Variants in URM1 observed in about 807,000 individuals in gnomAD.
The protein encoded by URM1 is ubiquitin related modifier 1.
A neutral mutation model predicts 17.7 loss-of-function variants in URM1; 11 were observed. The observed-to-expected ratio is 0.62, with a 90% CI of 0.39 to 1.03. The LOEUF (loss-of-function observed/expected upper bound fraction) is 1.03, where lower values mean the gene tolerates loss of function less well. Among genes scored for constraint, URM1 ranks in the 50% least tolerant of loss-of-function variants. The probability of loss-of-function intolerance (pLI) is 0.00; values close to 1 mark genes in which losing one functional copy is unlikely to be tolerated. For missense variants in URM1, 128 were observed against 129.2 expected, an observed-to-expected ratio of 0.99 and a Z score of 0.04; for synonymous variants, 48 against 50.6, an observed-to-expected ratio of 0.95 and a Z score of 0.22.
chr9:128,377,601 C>T (rs948297808), intron 1 of URM1, among the ~76,000 whole-genome samples: 2 of 151,988 alleles, frequency 1.3e-5, no homozygotes, highest in Non-Finnish European at 2.9e-5. Context: ...ACCTGGGAGG[C>T]GGAGGTTGCT....
chr9:128,385,393 C>T (rs1833212755), intron 2 of URM1, among the ~76,000 whole-genome samples: 1 of 152,270 alleles, frequency 6.6e-6, no homozygotes, highest in South Asian at 2.1e-4. Context: ...GCTCTGTTTC[C>T]CTCTTGCCCA....
At chr9:128,380,619 TTTTC>T (rs1013026165) in intron 2 of URM1, among the ~76,000 whole-genome samples, 9 of 151,886 alleles carry the variant, frequency 5.9e-5, no homozygotes, top group African/African-American at 2.2e-4. Flanking sequence ...AACCCACAAA[TTTTC>T]TTTTTTTTTT....
chr9:128,371,448 G>C (rs566689321), intron 1 of URM1, 33 bp downstream of exon 1: 2 of 1,606,476 alleles, frequency 1.2e-6, no homozygotes, highest in South Asian at 2.2e-5. Context: ...CGTGGGGATG[G>C]ATTGAAGTCG....
intron 2 of URM1, among the ~76,000 whole-genome samples, chr9:128,378,572 A>C (rs1344300090): frequency 4.8e-5 from 7 of 145,932 alleles, no homozygotes; most frequent in African/African-American, 7.9e-5. Context: ...AAAAAAAAAA[A>C]CTTGTTAATC....
intron 1 of URM1, 64 bp downstream of exon 1, chr9:128,371,479 C>T (rs1833011874): frequency 1.3e-6 from 2 of 1,560,678 alleles, no homozygotes; most frequent in Non-Finnish European, 8.8e-7. Flanking sequence ...AATTCCTTTC[C>T]TTCTGCCGTG....
intron 2 of URM1, among the ~76,000 whole-genome samples, chr9:128,379,570 C>T (rs1175297576): frequency 2.0e-5 from 3 of 151,876 alleles, no homozygotes; most frequent in East Asian, 3.9e-4. Context: ...GAGGCCAAGG[C>T]GGGTGGATCA....
intron 2 of URM1, among the ~76,000 whole-genome samples, chr9:128,380,546 C>G (rs1833145257): frequency 6.6e-6 from 1 of 151,998 alleles, no homozygotes; most frequent in Non-Finnish European, 1.5e-5. Flanking sequence ...AAGACCTTGC[C>G]TGGAAGTTTA....
chr9:128,377,954 A>G (rs1303214289), intron 1 of URM1, 82 bp from the exon 2 acceptor site: 11 of 1,465,140 alleles, frequency 7.5e-6, no homozygotes, highest in South Asian at 2.3e-5. Flanking sequence ...TACCAGCCCT[A>G]TCCTCAGTTT....
intron 2 of URM1, among the ~76,000 whole-genome samples, chr9:128,381,132 C>T (rs1833154977): frequency 6.6e-6 from 1 of 152,062 alleles, no homozygotes; most frequent in Non-Finnish European, 1.5e-5. Context: ...CCCCAAAGTA[C>T]TTTATTCTTT....
chr9:128,374,235 C>G (rs1833048826), intron 1 of URM1, among the ~76,000 whole-genome samples: 1 of 152,152 alleles, frequency 6.6e-6, no homozygotes, highest in Non-Finnish European at 1.5e-5. Flanking sequence ...CCCTTGAGGG[C>G]CAGTGAATTC....
chr9:128,383,624 T>G (rs1833188961), intron 2 of URM1, among the ~76,000 whole-genome samples: 1 of 152,174 alleles, frequency 6.6e-6, no homozygotes, highest in Non-Finnish European at 1.5e-5. Context: ...AAGACAGATT[T>G]CTGCTTGGGA....
chr9:128,375,510 A>G lies in URM1; in HGVS notation c.36-2526A>G, dbSNP rs567276716. Among the ~76,000 whole-genome samples the G allele has an allele frequency of 2.4e-3, 370 of 152,168 alleles. 2 individuals are homozygous for G. The highest frequency in any genetic ancestry group is 0.014 in the Middle Eastern group (4 of 294). ...AGGATTGCTTGAGCCCAGGAGTTCAAGACCAGCCTGGGCAATAGAGTGAGA... is the reference window on the plus strand; with the variant it reads ...AGGATTGCTTGAGCCCAGGAGTTCAGGACCAGCCTGGGCAATAGAGTGAGA... On this transcript the variant is annotated intron_variant, in intron 1 of 4. Coordinates refer to ENST00000372853, the MANE Select transcript of URM1 (RefSeq NM_030914.4).
chr9:128,383,153 G>A (rs1833181403), intron 2 of URM1, among the ~76,000 whole-genome samples: 1 of 152,120 alleles, frequency 6.6e-6, no homozygotes, highest in Admixed American at 6.5e-5. Context: ...GGGCCTGTTT[G>A]CTGATCCCCT....
At chr9:128,378,542 C>CAAAAAAA (rs58676800) in intron 2 of URM1, among the ~76,000 whole-genome samples, 5 of 23,020 alleles carry the variant, frequency 2.2e-4, no homozygotes, top group East Asian at 2.1e-3. Context: ...GACTCCATCT[C>CAAAAAAA]AAAAAAAAAA....
intron 2 of URM1, among the ~76,000 whole-genome samples, chr9:128,382,011 G>A (rs572789273): frequency 1.8e-4 from 28 of 152,332 alleles, no homozygotes; most frequent in African/African-American, 6.3e-4. Context: ...AAGGAGGGAG[G>A]GACCTGAGGC....
Position 128,389,658 on chromosome 9 carries a change from C to A in URM1, c.238-8C>A. ...GAGGGTCTCCCGCTCCCCTCTCTCC[C>A]GCACCAGGGTGAGCTGGACTACCAG... is the stretch of plus-strand genomic sequence containing the variant. On this transcript the variant is annotated splice_polypyrimidine_tract_variant and splice_region_variant and intron_variant, in intron 4 of 4. Transcript: ENST00000372853. 2 of 1,613,492 alleles carry A rather than the reference C, an allele frequency of 1.2e-6. No individual in the cohort carries two copies. The highest frequency in any genetic ancestry group is 1.7e-6 in the Non-Finnish European group (2 of 1,179,992).
At chr9:128,383,867 A>C (rs1833192553) in intron 2 of URM1, among the ~76,000 whole-genome samples, 1 of 152,054 alleles carries the variant, frequency 6.6e-6, no homozygotes, top group Non-Finnish European at 1.5e-5. Flanking sequence ...GGGGCGAGGG[A>C]TTCTGGTGGA....
intron 2 of URM1, among the ~76,000 whole-genome samples, chr9:128,381,240 C>A (rs1833156245): frequency 6.6e-6 from 1 of 152,148 alleles, no homozygotes; most frequent in African/African-American, 2.4e-5. Context: ...GTGGTCCTTG[C>A]CCTAGTAGAG....
In URM1 at chr9:128,389,663, C is replaced by T; in HGVS notation, c.238-3C>T. ...TCTCCCGCTCCCCTCTCTCCCGCAC[C>T]AGGGTGAGCTGGACTACCAGCTTCA... On this transcript the variant is annotated splice_polypyrimidine_tract_variant and splice_region_variant and intron_variant, in intron 4 of 4. Transcript: ENST00000372853. The T allele has an allele frequency of 6.2e-7, 1 of 1,613,512 alleles. No homozygotes were observed. The highest frequency in any genetic ancestry group is 1.3e-5 in the African/African-American group (1 of 75,056).
Sources: gnomAD v4.1 joint callset for allele counts (sites outside exome capture counted in the v4.1 genomes callset) on GRCh38, gnomAD v4.1.1 for gene constraint, MANE v1.5 for transcripts, NCBI Gene and HGNC (gene_info 2026-07-23, HGNC 2026-07-21) for gene names.